Variants in MAML2 observed in about 807,000 individuals in gnomAD.
The protein encoded by MAML2 is mastermind-like protein 2.
A neutral mutation model predicts 96.1 loss-of-function variants in MAML2; 22 were observed. The observed-to-expected ratio is 0.23, with a 90% CI of 0.16 to 0.33. The LOEUF is 0.33. Among genes scored for constraint, MAML2 ranks in the 10% least tolerant of loss-of-function variants. The pLI, the probability that MAML2 is intolerant of heterozygous loss-of-function variation, is 1.00. For missense variants in MAML2, 1,367 were observed against 1,392.4 expected, an observed-to-expected ratio of 0.98 and a Z score of 0.29; for synonymous variants, 561 against 521.3, an observed-to-expected ratio of 1.08 and a Z score of -1.04.
At chr11:96,118,791 G>T (rs979811069) in intron 1 of MAML2, among the ~76,000 whole-genome samples, 1 of 152,108 alleles carries the variant, frequency 6.6e-6, no homozygotes, top group East Asian at 1.9e-4. Flanking sequence ...TTGGTCTGTA[G>T]TAGACATGAG....
In MAML2 at chr11:96,292,490, C is replaced by A. The variant is rs562079046; in HGVS notation, c.513+48893G>T. Among the ~76,000 whole-genome samples the A allele has an allele frequency of 3.3e-5, 5 of 152,280 alleles. No individual in the cohort carries two copies. In the South Asian group the frequency reaches 1.0e-3, roughly 32 times the overall value. ...CATTTTACAGATGATGAAACTGAGG[C>A]CAAGAAGTTAATTCATCTTGCCCAA... is the stretch of plus-strand genomic sequence containing the variant. On this transcript the variant is annotated intron_variant, in intron 1 of 4. Coordinates refer to ENST00000524717, the MANE Select transcript of MAML2 (RefSeq NM_032427.4).
At chr11:96,280,165 T>C (rs1343810320) in intron 1 of MAML2, among the ~76,000 whole-genome samples, 1 of 152,216 alleles carries the variant, frequency 6.6e-6, no homozygotes, top group East Asian at 1.9e-4. Context: ...TCATTGGCTT[T>C]CAAACTAATT....
chr11:96,175,911 AG>A (rs1371400652), intron 1 of MAML2, among the ~76,000 whole-genome samples: 1 of 152,142 alleles, frequency 6.6e-6, no homozygotes, highest in Non-Finnish European at 1.5e-5. Flanking sequence ...CTTAAACCTC[AG>A]TTCTATAACT....
Position 95,977,392 on chromosome 11 carries a change from A to G in MAML2, c.*1556T>C, listed in dbSNP as rs1857664907. The G allele has an allele frequency of 1.6e-5, 3 of 188,870 alleles. No homozygotes were observed. Among genetic ancestry groups the G allele is most frequent in the Non-Finnish European group, 2.2e-5 (2 of 89,798 alleles). 11.7% of individuals were successfully genotyped at this position (188,870 alleles called of 1,614,324 possible). On this transcript the variant is annotated 3_prime_UTR_variant, in exon 5 of 5. Coordinates refer to ENST00000524717, the MANE Select transcript of MAML2 (RefSeq NM_032427.4). ...TTGTAAAGAAGGAGAGTGCTTCCAG[A>G]CATTTTAAAGACTGGGAGACAGCTT...
At chr11:96,177,440 G>C (rs1158756970) in intron 1 of MAML2, among the ~76,000 whole-genome samples, 1 of 152,148 alleles carries the variant, frequency 6.6e-6, no homozygotes, top group Admixed American at 6.5e-5. Flanking sequence ...GTGGTAATGA[G>C]GTAGGTTTTA....
At chr11:96,314,857 G>A (rs560836168) in intron 1 of MAML2, among the ~76,000 whole-genome samples, 17 of 152,320 alleles carry the variant, frequency 1.1e-4, no homozygotes, top group African/African-American at 4.1e-4. Context: ...CCAGCCCCCT[G>A]CAATCCAGAC....
intron 1 of MAML2, among the ~76,000 whole-genome samples, chr11:96,183,474 T>A (rs763241847): frequency 6.4e-5 from 9 of 140,846 alleles, no homozygotes; most frequent in Non-Finnish European, 1.1e-4. Flanking sequence ...CACAGCTCAC[T>A]GCAGCCTTGA....
chr11:96,004,995 G>A (rs1346242382), intron 2 of MAML2, among the ~76,000 whole-genome samples: 1 of 152,144 alleles, frequency 6.6e-6, no homozygotes, highest in Non-Finnish European at 1.5e-5. Context: ...GAGAAAGTGA[G>A]TTCAGTCCCT....
chr11:96,046,184 G>A (rs1011037961), intron 2 of MAML2, among the ~76,000 whole-genome samples: 1 of 152,088 alleles, frequency 6.6e-6, no homozygotes, highest in African/African-American at 2.4e-5. Context: ...ACCAGCGCAG[G>A]TGAGGTAGAA....
chr11:96,086,863 T>A (rs10831478), intron 2 of MAML2, among the ~76,000 whole-genome samples: 71,189 of 151,928 alleles, frequency 0.47, 17,493 homozygotes, highest in Middle Eastern at 0.61. Context: ...TGACTAAAGA[T>A]CCCTCCCTAC....
chr11:96,195,836 A>G (rs990274989), intron 1 of MAML2, among the ~76,000 whole-genome samples: 2 of 152,240 alleles, frequency 1.3e-5, no homozygotes, highest in African/African-American at 4.8e-5. Context: ...TCCATGTAGC[A>G]AAAACGACAT....
chr11:96,279,609 C>T (rs972834868), intron 1 of MAML2, among the ~76,000 whole-genome samples: 3 of 152,186 alleles, frequency 2.0e-5, no homozygotes, highest in African/African-American at 7.2e-5. Context: ...CTCTCCTGTC[C>T]TCAATTTGAC....
intron 1 of MAML2, among the ~76,000 whole-genome samples, chr11:96,143,048 A>C (rs1190143921): frequency 6.6e-6 from 1 of 152,208 alleles, no homozygotes; most frequent in African/African-American, 2.4e-5. Context: ...TTAAAACATT[A>C]ATTTAGACTT....
intron 1 of MAML2, among the ~76,000 whole-genome samples, chr11:96,228,007 T>C (rs1862239390): frequency 6.6e-6 from 1 of 152,004 alleles, no homozygotes; most frequent in Admixed American, 6.6e-5. Context: ...GGGGCTGAGG[T>C]GGAAGGATCA....
At position 96,342,286 on chromosome 11, in the gene MAML2, A is replaced by G; in HGVS notation, c.-391T>C. On this transcript the variant is annotated 5_prime_UTR_variant, in exon 1 of 5. Transcript: ENST00000524717. ...ATCAAGAATTCAGGGATTGTCCAGC[A>G]AGAGACAGAAACACACAGCAAAAGG... 2.3e-6 allele frequency: 1 copy of G among 430,332 alleles called. No individual in the cohort carries two copies. Among genetic ancestry groups the G allele is most frequent in the African/African-American group, 2.0e-5 (1 of 49,600 alleles). The allele number at this position is 430,332 out of a possible 1,614,324, so 26.7% of individuals were successfully genotyped here.
At chr11:96,277,143 G>C (rs564773023) in intron 1 of MAML2, among the ~76,000 whole-genome samples, 1 of 152,142 alleles carries the variant, frequency 6.6e-6, no homozygotes, top group Non-Finnish European at 1.5e-5. Context: ...AGTCACCCAC[G>C]GAATGTGTTG....
intron 1 of MAML2, among the ~76,000 whole-genome samples, chr11:96,264,730 G>T (rs1002786506): frequency 1.1e-4 from 16 of 152,196 alleles, no homozygotes; most frequent in Non-Finnish European, 2.2e-4. Context: ...TATTGAAGTA[G>T]GAGTCATGAC....
Position 96,092,210 on chromosome 11 carries a change from TTGCTGC to T in MAML2, c.1815_1820del (p.Gln620_Gln621del), listed in dbSNP as rs60727839. On this transcript the variant is annotated inframe_deletion, in exon 2 of 5. Coordinates refer to ENST00000524717, the MANE Select transcript of MAML2 (RefSeq NM_032427.4). The surrounding 1 kb of genome is among the most constrained non-coding windows in gnomAD (Gnocchi z 4.1). The stretch of plus-strand genomic sequence containing the variant: ...GTTGCTGTTGCTGCTGCTGCTGCTG[TTGCTGC>T]TGCTGCTGCTGCTGCTGCTGCTGCT... The T allele has an allele frequency of 0.013, 18,408 of 1,462,166 alleles. 207 individuals carry two copies. The highest frequency in any genetic ancestry group is 0.084 in the African/African-American group (5,931 of 70,892). 90.6% of individuals were successfully genotyped at this position (1,462,166 alleles called of 1,614,324 possible). A position where few individuals can be genotyped will look rare whatever the true frequency, so the allele number is the denominator to read the frequency against.
At chr11:96,299,263 G>A (rs886374575) in intron 1 of MAML2, among the ~76,000 whole-genome samples, 1 of 166 alleles carries the variant, frequency 6.0e-3, no homozygotes, top group Non-Finnish European at 0.013. Context: ...AAATGAAAGA[G>A]AGGCACAAGT....
Sources: gnomAD v4.1 joint callset for allele counts (sites outside exome capture counted in the v4.1 genomes callset) on GRCh38, gnomAD v4.1.1 for gene constraint, Gnocchi (gnomAD v3.1) non-coding constraint, MANE v1.5 for transcripts, NCBI Gene and HGNC (gene_info 2026-07-23, HGNC 2026-07-21) for gene names.